The following EEIG2 variants were observed in gnomAD, a reference collection of about 807,000 sequenced individuals.
EEIG2 encodes the protein family with sequence similarity 102 member B.
the EEIG2 span, among the ~76,000 whole-genome samples, chr1:108,632,801 A>G: frequency 2.0e-5 from 3 of 152,150 alleles, no homozygotes; most frequent in Admixed American, 1.3e-4. Flanking sequence ...AGTTCCAACC[A>G]AATGGAATTT....
chr1:108,609,944 T>TG, the EEIG2 span, among the ~76,000 whole-genome samples: 1 of 152,160 alleles, frequency 6.6e-6, no homozygotes, highest in Non-Finnish European at 1.5e-5. Context: ...GAAAAATAGC[T>TG]GTTGCATGCT....
chr1:108,580,596 G>A, the EEIG2 span, among the ~76,000 whole-genome samples: 22,772 of 152,116 alleles, frequency 0.15, 2,696 homozygotes, highest in African/African-American at 0.33. Flanking sequence ...GAATGATAAG[G>A]AAGTATAACA....
the EEIG2 span, among the ~76,000 whole-genome samples, chr1:108,612,883 G>C: frequency 1.3e-5 from 2 of 152,234 alleles, no homozygotes; most frequent in African/African-American, 4.8e-5. Context: ...CAGTGTTTCA[G>C]TTAGGTTACC....
the EEIG2 span, among the ~76,000 whole-genome samples, chr1:108,572,464 G>A: frequency 6.6e-6 from 1 of 151,478 alleles, no homozygotes; most frequent in African/African-American, 2.4e-5. Context: ...TTTACTCTTG[G>A]TGTTGTACAT....
chr1:108,637,345 G>C, the EEIG2 span: 1 of 152,022 alleles, frequency 6.6e-6, no homozygotes, highest in African/African-American at 2.4e-5. Flanking sequence ...TTTCTATTTT[G>C]TGTTCCATTG....
the EEIG2 span, among the ~76,000 whole-genome samples, chr1:108,632,847 A>G: frequency 6.6e-6 from 1 of 152,076 alleles, no homozygotes; most frequent in Non-Finnish European, 1.5e-5. Flanking sequence ...CCTGTCACCC[A>G]GGCTGGAGTG....
At chr1:108,591,321 T>G in the EEIG2 span, among the ~76,000 whole-genome samples, 1 of 152,176 alleles carries the variant, frequency 6.6e-6, no homozygotes, top group Non-Finnish European at 1.5e-5. Flanking sequence ...CATTAAAGAT[T>G]ATCACACACA....
At chr1:108,623,678 T>A in the EEIG2 span, among the ~76,000 whole-genome samples, 37 of 152,176 alleles carry the variant, frequency 2.4e-4, no homozygotes, top group East Asian at 7.7e-4. Flanking sequence ...AATAAAAAAA[T>A]ATTTTTTTTT....
the EEIG2 span, among the ~76,000 whole-genome samples, chr1:108,622,111 T>C: frequency 3.3e-5 from 5 of 151,620 alleles, no homozygotes; most frequent in African/African-American, 9.7e-5. Flanking sequence ...GAGCCGAGAG[T>C]GCGCCATTGC....
the EEIG2 span, among the ~76,000 whole-genome samples, chr1:108,624,309 G>A: frequency 7.9e-5 from 12 of 152,196 alleles, no homozygotes; most frequent in African/African-American, 2.4e-4. Flanking sequence ...GCCTTCCTCA[G>A]CTGAAAGGTG....
At chr1:108,594,343 G>A in the EEIG2 span, among the ~76,000 whole-genome samples, 1,865 of 152,270 alleles carry the variant, frequency 0.012, 35 homozygotes, top group African/African-American at 0.042. Flanking sequence ...TTGACAATTA[G>A]TTACTTACTC....
the EEIG2 span, among the ~76,000 whole-genome samples, chr1:108,618,631 G>A: frequency 7.9e-5 from 12 of 152,074 alleles, no homozygotes; most frequent in South Asian, 1.0e-3. Flanking sequence ...GGTGGCTCAC[G>A]CCTGTAATCC....
At chr1:108,580,248 C>A in the EEIG2 span, among the ~76,000 whole-genome samples, 1 of 152,248 alleles carries the variant, frequency 6.6e-6, no homozygotes, top group Non-Finnish European at 1.5e-5. Context: ...TAGAAGGTGG[C>A]GAACTTAGTA....
the EEIG2 span, among the ~76,000 whole-genome samples, chr1:108,616,083 A>T: frequency 6.7e-6 from 1 of 149,102 alleles, no homozygotes; most frequent in African/African-American, 2.5e-5. Context: ...ATTTTAATCT[A>T]TATGGAGCAG....
At chr1:108,626,577 T>A in the EEIG2 span, 1 of 152,262 alleles carries the variant, frequency 6.6e-6, no homozygotes, top group African/African-American at 2.4e-5. Flanking sequence ...TGGATTATTA[T>A]GAAAACCTAC....
chr1:108,620,396 C>T, the EEIG2 span, among the ~76,000 whole-genome samples: 2 of 152,142 alleles, frequency 1.3e-5, no homozygotes. Context: ...AGCCTAACCA[C>T]CTACCCTAAA....
chr1:108,593,862 G>C, the EEIG2 span, among the ~76,000 whole-genome samples: 1 of 152,112 alleles, frequency 6.6e-6, no homozygotes, highest in African/African-American at 2.4e-5. Flanking sequence ...CTAGTGTGCA[G>C]TGGCGCAATC....
chr1:108,572,677 G>A, the EEIG2 span, among the ~76,000 whole-genome samples: 1 of 152,008 alleles, frequency 6.6e-6, no homozygotes, highest in Non-Finnish European at 1.5e-5. Flanking sequence ...GTGCAATGGT[G>A]CGATCTCGGC....
the EEIG2 span, among the ~76,000 whole-genome samples, chr1:108,561,312 G>T: frequency 2.0e-5 from 3 of 152,202 alleles, no homozygotes; most frequent in Admixed American, 1.3e-4. Context: ...AGTGTTTCTT[G>T]AGTAATTTCA....
Sources: gnomAD v4.1 joint callset for allele counts (sites outside exome capture counted in the v4.1 genomes callset) on GRCh38, gnomAD v4.1.1 for gene constraint, MANE v1.5 for transcripts, NCBI Gene and HGNC (gene_info 2026-07-23, HGNC 2026-07-21) for gene names.